MAGI1: variants seen among roughly 807,000 people sequenced by gnomAD.
MAGI1 encodes the protein membrane associated guanylate kinase, WW and PDZ domain containing 1.
MAGI1 carries 58 observed loss-of-function variants against 139.9 expected under a neutral mutation model. That is an observed-to-expected ratio of 0.41 (90% CI 0.34 to 0.52). MAGI1 has a LOEUF of 0.52. MAGI1 is among the 20% of genes least tolerant of loss of function. The pLI is 0.12. For synonymous variants in MAGI1, 812 were observed against 737.9 expected (o/e 1.10, Z -1.63); for missense variants, 1,874 against 1,901.6 (o/e 0.99, Z 0.27).
intron 1 of MAGI1, among the ~76,000 whole-genome samples, chr3:65,965,378 C>T (rs1273262410): frequency 2.0e-5 from 3 of 152,124 alleles, no homozygotes; most frequent in African/African-American, 4.8e-5. Flanking sequence ...TTCATATCAC[C>T]TCTAGGAATA....
intron 6 of MAGI1, among the ~76,000 whole-genome samples, chr3:65,450,258 T>G (rs1257476169): frequency 6.6e-6 from 1 of 152,136 alleles, no homozygotes; most frequent in Non-Finnish European, 1.5e-5. Flanking sequence ...TTGTCAGCGA[T>G]AACATCATCA....
chr3:65,387,066 C>T (rs1203498025), intron 14 of MAGI1: 2 of 1,310,442 alleles, frequency 1.5e-6, no homozygotes, highest in African/African-American at 2.9e-5. Flanking sequence ...GAACTTCTCC[C>T]CAGGCCCCCA....
intron 3 of MAGI1, among the ~76,000 whole-genome samples, chr3:65,487,422 A>C (rs1246710014): frequency 6.6e-6 from 1 of 152,228 alleles, no homozygotes; most frequent in East Asian, 1.9e-4. Context: ...GCTACAAAAG[A>C]AGCATTACTT....
At chr3:65,419,545 C>T (rs1946494684) in intron 12 of MAGI1, among the ~76,000 whole-genome samples, 1 of 152,146 alleles carries the variant, frequency 6.6e-6, no homozygotes, top group Non-Finnish European at 1.5e-5. Context: ...CTCACAACCA[C>T]CAAACCCCAG....
chr3:65,910,633 A>G (rs2061619323), intron 1 of MAGI1, among the ~76,000 whole-genome samples: 1 of 152,164 alleles, frequency 6.6e-6, no homozygotes, highest in South Asian at 2.1e-4. Flanking sequence ...TACTTATTAA[A>G]GAACTACTTA....
chr3:65,615,347 G>T (rs918733098), intron 2 of MAGI1, among the ~76,000 whole-genome samples: 1 of 152,192 alleles, frequency 6.6e-6, no homozygotes, highest in Non-Finnish European at 1.5e-5. Flanking sequence ...GGGATGGACA[G>T]TGAATGCACG....
chr3:65,984,745 A>C (rs2107306851), intron 1 of MAGI1, among the ~76,000 whole-genome samples: 1 of 137,578 alleles, frequency 7.3e-6, no homozygotes, highest in East Asian at 2.1e-4. Context: ...TAGGAGTCTC[A>C]CTATGTTGCC....
intron 1 of MAGI1, among the ~76,000 whole-genome samples, chr3:65,946,858 G>A (rs1189885435): frequency 6.6e-6 from 1 of 152,190 alleles, no homozygotes; most frequent in Non-Finnish European, 1.5e-5. Flanking sequence ...AAAGTGGATA[G>A]CTGGAGAATT....
chr3:65,704,384 G>A (rs1489040922), intron 1 of MAGI1, among the ~76,000 whole-genome samples: 3 of 152,158 alleles, frequency 2.0e-5, no homozygotes, highest in Non-Finnish European at 4.4e-5. Context: ...TGAGGAGGGA[G>A]CATCTACCCT....
chr3:65,725,328 G>A (rs1338100188), intron 1 of MAGI1, among the ~76,000 whole-genome samples: 1 of 152,140 alleles, frequency 6.6e-6, no homozygotes, highest in Admixed American at 6.6e-5. Flanking sequence ...GAAAAACAGG[G>A]AGAGTAATGG....
chr3:65,564,090 T>G (rs1421852736), intron 2 of MAGI1, among the ~76,000 whole-genome samples: 2 of 152,108 alleles, frequency 1.3e-5, no homozygotes, highest in Non-Finnish European at 2.9e-5. Context: ...CCATCGGAGC[T>G]CCTGCATTTA....
chr3:65,781,362 G>T (rs2038918214), intron 1 of MAGI1, among the ~76,000 whole-genome samples: 1 of 152,090 alleles, frequency 6.6e-6, no homozygotes, highest in Non-Finnish European at 1.5e-5. Context: ...GGCTCCATTT[G>T]ATCATCTGAA....
chr3:65,413,694 T>A (rs1017005504), intron 12 of MAGI1, among the ~76,000 whole-genome samples: 3 of 152,128 alleles, frequency 2.0e-5, no homozygotes, highest in African/African-American at 7.2e-5. Context: ...GCTATTAGAT[T>A]TCAGGTTTCG....
chr3:65,552,480 TC>T (rs2079886146), intron 2 of MAGI1, among the ~76,000 whole-genome samples: 2 of 152,134 alleles, frequency 1.3e-5, no homozygotes, highest in African/African-American at 4.8e-5. Context: ...CCAGCAAAAT[TC>T]CTAACCACTC....
At chr3:65,509,846 G>A (rs1215580260) in intron 2 of MAGI1, among the ~76,000 whole-genome samples, 6 of 152,102 alleles carry the variant, frequency 3.9e-5, no homozygotes, top group Non-Finnish European at 8.8e-5. Flanking sequence ...CCACCTCTGG[G>A]GGCAGGGCAC....
At chr3:65,621,884 AGTT>A in intron 2 of MAGI1, 85 bp downstream of exon 2, 1 of 891,788 alleles carries the variant, frequency 1.1e-6, no homozygotes, top group African/African-American at 1.7e-5. Flanking sequence ...TTCCAGAACC[AGTT>A]GTTGAGATCT....
intron 2 of MAGI1, among the ~76,000 whole-genome samples, chr3:65,620,843 G>A (rs891214629): frequency 5.3e-5 from 8 of 152,144 alleles, no homozygotes; most frequent in African/African-American, 1.9e-4. Context: ...TGAGTAAAAT[G>A]GAAAGCCAGG....
At chr3:65,641,945 A>G (rs901668730) in intron 1 of MAGI1, among the ~76,000 whole-genome samples, 2 of 152,290 alleles carry the variant, frequency 1.3e-5, no homozygotes, top group East Asian at 3.9e-4. Flanking sequence ...TAGGGGCCCA[A>G]GGTTTCTGCC....
chr3:65,946,215 T>C (rs1279157401), intron 1 of MAGI1, among the ~76,000 whole-genome samples: 1 of 152,134 alleles, frequency 6.6e-6, no homozygotes, highest in East Asian at 1.9e-4. Flanking sequence ...GACTGGGAAT[T>C]AGAAAGGGTG....
Sources: allele counts gnomAD v4.1 joint callset (sites outside exome capture counted in the v4.1 genomes callset), GRCh38; gene constraint gnomAD v4.1.1; transcripts MANE v1.5; gene names NCBI Gene and HGNC (gene_info 2026-07-23, HGNC 2026-07-21).